Variants in PLEKHG5 observed in about 807,000 individuals in gnomAD.
PLEKHG5 encodes pleckstrin homology and RhoGEF domain containing G5.
A neutral mutation model predicts 103.8 loss-of-function variants in PLEKHG5; 52 were observed. The ratio of observed to expected loss-of-function variants is 0.50; its 90% confidence interval spans 0.40 to 0.63. The LOEUF (loss-of-function observed/expected upper bound fraction) is 0.63. Ranked by LOEUF, PLEKHG5 falls within the 30% of genes least tolerant of loss-of-function variation. The pLI is 0.00. For synonymous variants in PLEKHG5, 592 were observed against 575.5 expected (o/e 1.03, Z -0.41); for missense variants, 1,205 against 1,347.6 (o/e 0.89, Z 1.66).
At chr1:6,507,534 G>A (rs1214001872) in intron 1 of PLEKHG5, among the ~76,000 whole-genome samples, 1 of 152,202 alleles carries the variant, frequency 6.6e-6, no homozygotes, top group African/African-American at 2.4e-5. Flanking sequence ...CCAGGGCAGA[G>A]CTGGCTCTCC....
At position 6,485,977 on chromosome 1, in the gene PLEKHG5, A is replaced by ACCC. The variant is rs372606355; in HGVS notation, c.-88+5657_-88+5659dup. On this transcript the variant is annotated intron_variant, in intron 1 of 20. Coordinates refer to ENST00000377728, the MANE Select transcript of PLEKHG5 (RefSeq NM_020631.6). ...GCTGGAGGCAGGGGGCGCTGGTGACACCCCCCCCCACCTTGGAGACTGTGG... is the reference window on the plus strand; with the variant it reads ...GCTGGAGGCAGGGGGCGCTGGTGACACCCCCCCCCCCCACCTTGGAGACTGTGG... 6.1e-5 allele frequency: 47 copies of ACCC among 768,606 alleles called. No homozygotes were observed. The African/African-American group carries it at 7.7e-4, about 13-fold the overall frequency. 47.6% of individuals were successfully genotyped at this position (768,606 alleles called of 1,614,324 possible). A position where few individuals can be genotyped will look rare whatever the true frequency, so the allele number is the denominator to read the frequency against.
At chr1:6,518,439 A>G (rs1261908614) in intron 1 of PLEKHG5, among the ~76,000 whole-genome samples, 1 of 151,500 alleles carries the variant, frequency 6.6e-6, no homozygotes, top group Non-Finnish European at 1.5e-5. Context: ...GCATGCCTGT[A>G]ATCCCAGCTA....
chr1:6,516,467 G>A (rs1158329829), intron 1 of PLEKHG5, among the ~76,000 whole-genome samples: 1 of 152,024 alleles, frequency 6.6e-6, no homozygotes, highest in Non-Finnish European at 1.5e-5. Flanking sequence ...GACTAGCCTG[G>A]CCAACATGGT....
chr1:6,474,265 C>T (rs1644690706), intron 6 of PLEKHG5, 101 bp from the exon 7 acceptor site: 1 of 1,461,546 alleles, frequency 6.8e-7, no homozygotes, highest in Middle Eastern at 2.2e-4. Context: ...GGCCTGCCTG[C>T]CCTCCCCCGA....
At chr1:6,501,588 ACT>A (rs1645297480), upstream of PLEKHG5, among the ~76,000 whole-genome samples, 1 of 152,076 alleles carries the variant, frequency 6.6e-6, no homozygotes, top group African/African-American at 2.4e-5. This position sits in a 1 kb window ranked among gnomAD's most constrained non-coding sequence, Gnocchi z 4.3. Context: ...TCACCATCTA[ACT>A]CTGTGTAGAG....
At chr1:6,498,221 G>A (rs1008779553), upstream of PLEKHG5, among the ~76,000 whole-genome samples, 8 of 152,286 alleles carry the variant, frequency 5.3e-5, no homozygotes, top group South Asian at 1.2e-3. Flanking sequence ...GAGGCATTGC[G>A]CCGACAAGAC....
upstream of PLEKHG5, among the ~76,000 whole-genome samples, chr1:6,500,908 C>G (rs551887048): frequency 6.6e-6 from 1 of 152,238 alleles, no homozygotes. Flanking sequence ...CTGTCTCAGT[C>G]GCAGGAGGCC....
rs1173364500 is a variant in PLEKHG5, at chr1:6,471,558, G to A, written c.1211C>T (p.Pro404Leu). ...HRRLWASVMA[P>L]VLEKARRTRA... ...CGTGCGCCGCGCCTTCTCCAGCACC[G>A]GCGCCATCACGCTAGCCCACAGCCT... Residue 404 changes from proline to leucine, a missense_variant, in exon 12 of 21, where the codon CCG becomes CTG. Physicochemically the swap from Pro to Leu is moderately conservative, Grantham distance 98. Coordinates refer to ENST00000377728, the MANE Select transcript of PLEKHG5 (RefSeq NM_020631.6). The A allele has an allele frequency of 1.9e-6, 3 of 1,604,786 alleles. No individual in the cohort carries two copies. Among genetic ancestry groups the A allele is most frequent in the Non-Finnish European group, 2.5e-6 (3 of 1,176,762 alleles).
In PLEKHG5 at chr1:6,505,030, C is replaced by A. The variant is rs895714188; in HGVS notation, c.-164-8461G>T. 2.0e-5 allele frequency among the ~76,000 whole-genome samples: 3 copies of A among 152,168 alleles called. No homozygotes were observed. The highest frequency in any genetic ancestry group is 7.2e-5 in the African/African-American group (3 of 41,430). On this transcript the variant is annotated intron_variant, in intron 1 of 21. Coordinates refer to the PLEKHG5 transcript ENST00000377740. This position sits in a 1 kb window ranked among gnomAD's most constrained non-coding sequence, Gnocchi z 4.2. ...TGGGGAGACTCATCCAGGACAGGCT[C>A]CTGCTCCCTGGGCTTGTGGCCTGGG...
rs1236977863 is a variant in PLEKHG5, at chr1:6,470,646, A to G, written c.1543-3T>C. On this transcript the variant is annotated splice_region_variant and splice_polypyrimidine_tract_variant and intron_variant, in intron 14 of 20. Coordinates refer to ENST00000377728, the MANE Select transcript of PLEKHG5 (RefSeq NM_020631.6). ...ATGAAGCGCTCCACGGAGCCGATCT[A>G]GGGGCAGGTGAGGGAGCTTCAGGTC... 6.4e-7 allele frequency: 1 copy of G among 1,567,976 alleles called. No homozygotes were observed. Among genetic ancestry groups the G allele is most frequent in the Admixed American group, 1.8e-5 (1 of 54,130 alleles).
At chr1:6,477,919 CA>C (rs2148598977) in intron 1 of PLEKHG5, among the ~76,000 whole-genome samples, 1 of 152,192 alleles carries the variant, frequency 6.6e-6, no homozygotes, top group South Asian at 2.1e-4. Flanking sequence ...CTCATTCTGT[CA>C]CCCAGACTGG....
rs547883853 is a variant in PLEKHG5 at position 6,505,092 on chromosome 1, G to A, written c.-164-8523C>T. ...CCTGGGCCCGAGGATGAGGCTAATG[G>A]AGAAGAGAACCCAGGCCCAGGCCCC... On this transcript the variant is annotated intron_variant, in intron 1 of 21. Coordinates refer to the PLEKHG5 transcript ENST00000377740. This position sits in a 1 kb window ranked among gnomAD's most constrained non-coding sequence, Gnocchi z 4.2. Among the ~76,000 whole-genome samples the A allele has an allele frequency of 6.6e-6, 1 of 152,308 alleles. No homozygotes were observed. The highest frequency in any genetic ancestry group is 2.1e-4 in the South Asian group (1 of 4,824).
At chr1:6,468,706 G>C in intron 19 of PLEKHG5, 120 bp from the exon 20 acceptor site, 1 of 1,081,608 alleles carries the variant, frequency 9.2e-7, no homozygotes, top group Non-Finnish European at 1.4e-6. Context: ...GAGGCTCAGA[G>C]ATGGCAGCAT....
chr1:6,473,228 C>T (rs1557744752), intron 8 of PLEKHG5, 23 bp downstream of exon 8: 1 of 1,612,672 alleles, frequency 6.2e-7, no homozygotes, highest in East Asian at 2.2e-5. Flanking sequence ...GCTGCCTGAC[C>T]CTGGGCAGAT....
At chr1:6,511,805 G>T (rs1337871518) in intron 1 of PLEKHG5, among the ~76,000 whole-genome samples, 1 of 152,258 alleles carries the variant, frequency 6.6e-6, no homozygotes, top group Non-Finnish European at 1.5e-5. Context: ...CAGAGAGTGA[G>T]TGTGTGACTG....
At position 6,470,358 on chromosome 1, in the gene PLEKHG5, G is replaced by A. The variant is rs370601982; in HGVS notation, c.1681-3C>T. The A allele has an allele frequency of 1.6e-5, 26 of 1,613,852 alleles. No individual in the cohort carries two copies. Among genetic ancestry groups the A allele is most frequent in the Non-Finnish European group, 2.1e-5 (25 of 1,179,992 alleles). On this transcript the variant is annotated splice_polypyrimidine_tract_variant and splice_region_variant and intron_variant, in intron 15 of 20. Coordinates refer to ENST00000377728, the MANE Select transcript of PLEKHG5 (RefSeq NM_020631.6). ...AGGTGCAGAAATTCCTTCAGGAGCT[G>A]GGGACGGATGGCGTGAACGTAGGGG...
At chr1:6,488,813 G>A (rs1645088917) in intron 1 of PLEKHG5, among the ~76,000 whole-genome samples, 1 of 152,074 alleles carries the variant, frequency 6.6e-6, no homozygotes, top group African/African-American at 2.4e-5. Context: ...CCAGGCTTGT[G>A]AGTCAGGGCC....
rs2148572238 is a variant in PLEKHG5 at position 6,467,212 on chromosome 1, G to A, written c.*351C>T. 2.0e-6 allele frequency: 1 copy of A among 491,854 alleles called. No homozygotes were observed. The highest frequency in any genetic ancestry group is 3.8e-5 in the East Asian group (1 of 26,522). 30.5% of individuals were successfully genotyped at this position (491,854 alleles called of 1,614,324 possible). On this transcript the variant is annotated 3_prime_UTR_variant, in exon 21 of 21. Coordinates refer to ENST00000377728, the MANE Select transcript of PLEKHG5 (RefSeq NM_020631.6). Reference sequence around the variant, plus strand: ...AGCCCAAGCCAGGGGTGGCCTGTGGGACTGGGAAGGTGGGGGCAGGGCAGG... The same window carrying A: ...AGCCCAAGCCAGGGGTGGCCTGTGGAACTGGGAAGGTGGGGGCAGGGCAGG...
intron 1 of PLEKHG5, among the ~76,000 whole-genome samples, chr1:6,509,248 CTCTGGTTCCT>C (rs767296824): frequency 6.6e-6 from 1 of 152,244 alleles, no homozygotes; most frequent in Non-Finnish European, 1.5e-5. Context: ...CTCGTCCCAC[CTCTGGTTCCT>C]TCTGTGCTCC....
Sources: allele counts gnomAD v4.1 joint callset (sites outside exome capture counted in the v4.1 genomes callset), GRCh38; gene constraint gnomAD v4.1.1; non-coding constraint Gnocchi (gnomAD v3.1); transcripts MANE v1.5; gene names NCBI Gene and HGNC (gene_info 2026-07-23, HGNC 2026-07-21).